Variants in LOX observed in about 807,000 individuals in gnomAD.
The protein encoded by LOX is protein-lysine 6-oxidase.
A neutral mutation model predicts 50.5 loss-of-function variants in LOX; 12 were observed. That is an observed-to-expected ratio of 0.24 (90% CI 0.15 to 0.38). LOX has a LOEUF of 0.38. Among genes scored for constraint, LOX ranks in the 10% least tolerant of loss-of-function variants. The pLI is 1.00. For synonymous variants in LOX, 254 were observed against 230.6 expected (o/e 1.10, Z -0.92); for missense variants, 504 against 563.8 (o/e 0.89, Z 1.07).
chr5:122,077,695 G>A lies in LOX; in HGVS notation c.291C>T (p.Asn97=), dbSNP rs757471277. 6.3e-7 allele frequency: 1 copy of A among 1,597,366 alleles called. No homozygotes were observed. Among genetic ancestry groups the A allele is most frequent in the Admixed American group, 1.7e-5 (1 of 58,364 alleles). The change falls in exon 1 of 7, where the codon AAC becomes AAT. Residue 97 remains asparagine (N), a synonymous_variant. Coordinates refer to ENST00000231004, the MANE Select transcript of LOX (RefSeq NM_002317.7). This position sits in a 1 kb window ranked among gnomAD's most constrained non-coding sequence, Gnocchi z 4.9. ...TCCGCGTTCGCGCCGCGGCGGTGCG[G>A]TTGTCGCGGATCAGCAGGATCGGAG... The part of the protein sequence containing the change: ...PRTPILLIRD[N]RTAAARTRTA...
Position 122,070,110 on chromosome 5 carries a change from C to A in LOX, c.1190G>T (p.Arg397Leu). 6.2e-7 allele frequency: 1 copy of A among 1,613,296 alleles called. No individual in the cohort carries two copies. The highest frequency in any genetic ancestry group is 8.5e-7 in the Non-Finnish European group (1 of 1,179,398). The change falls in exon 6 of 7, where the codon CGC becomes CTC. Residue 397 changes from arginine (R) to leucine (L), a missense_variant. Transcript: ENST00000231004. ...ATGTCCTGTGTAGCGAATGTCACAG[C>A]GCACAACATTGTTGGTATAGTCAGA... Reference protein sequence around the residue: ...PESDYTNNVVRCDIRYTGHHA... With the variant: ...PESDYTNNVVLCDIRYTGHHA...
rs1754696932 is a variant in LOX, at chr5:122,078,102, C to T, written c.-117G>A. On this transcript the variant is annotated 5_prime_UTR_variant, in exon 1 of 7. The change creates a new upstream start codon in the 5' untranslated region. Coordinates refer to ENST00000231004, the MANE Select transcript of LOX (RefSeq NM_002317.7). ...TTCAACCAAGGAGGCGAGCGGAGCA[C>T]GGGTATCTCAGTCTCCACCAAGCAA... The T allele has an allele frequency of 1.0e-6, 1 of 983,618 alleles. No homozygotes were observed. The highest frequency in any genetic ancestry group is 1.7e-5 in the African/African-American group (1 of 57,906). 60.9% of individuals were successfully genotyped at this position (983,618 alleles called of 1,614,324 possible). A position where few individuals can be genotyped will look rare whatever the true frequency, so the allele number is the denominator to read the frequency against.
At chr5:122,073,922 T>C in intron 4 of LOX, 91 bp downstream of exon 4, 1 of 1,179,300 alleles carries the variant, frequency 8.5e-7, no homozygotes, top group Non-Finnish European at 1.2e-6. Flanking sequence ...ATGTGTGTGC[T>C]CTTCATGAAA....
chr5:122,073,951 A>C, intron 4 of LOX, 62 bp downstream of exon 4: 1 of 1,472,858 alleles, frequency 6.8e-7, no homozygotes, highest in Non-Finnish European at 9.4e-7. Flanking sequence ...AATGCTAACT[A>C]ACGGTAGATG....
intron 5 of LOX, 87 bp from the exon 6 acceptor site, chr5:122,070,255 C>T (rs1201464765): frequency 2.5e-6 from 2 of 801,936 alleles, no homozygotes; most frequent in African/African-American, 1.7e-5. Flanking sequence ...CTAAATCAAG[C>T]AGGGAAGGGA....
In LOX at chr5:122,070,481, C is replaced by A; in HGVS notation, c.1131+13G>T. On this transcript the variant is annotated intron_variant, in intron 5 of 6. Transcript: ENST00000231004. The stretch of plus-strand genomic sequence containing the variant: ...GCAATATCAATATATGATATATTTT[C>A]AAAGGTCTTTACCTTTAGGATATAG... 1 of 1,436,278 alleles carries A rather than the reference C, an allele frequency of 7.0e-7. No individual in the cohort carries two copies. Among genetic ancestry groups the A allele is most frequent in the Admixed American group, 1.8e-5 (1 of 57,040 alleles). The allele number at this position is 1,436,278 out of a possible 1,614,324, so 89.0% of individuals were successfully genotyped here.
chr5:122,074,422 A>G (rs1260523785), intron 3 of LOX, among the ~76,000 whole-genome samples: 1 of 152,076 alleles, frequency 6.6e-6, no homozygotes, highest in African/African-American at 2.4e-5. Context: ...ATTGTACCCC[A>G]TTTTGTCTTT....
intron 4 of LOX, 80 bp downstream of exon 4, chr5:122,073,933 T>C (rs1754532286): frequency 1.6e-6 from 2 of 1,290,278 alleles, no homozygotes; most frequent in South Asian, 2.6e-5. Flanking sequence ...CTTCATGAAA[T>C]GCTATTTAAT....
Position 122,077,981 on chromosome 5 carries a change from C to A in LOX, c.5G>T (p.Arg2Leu). ...GAGCAGGAGCACGGTCCAGGCGAAGCGCATCACTCCTTTTGCCAGATTGAC... is the reference window on the plus strand; with the variant it reads ...GAGCAGGAGCACGGTCCAGGCGAAGAGCATCACTCCTTTTGCCAGATTGAC... M[R>L]FAWTVLLLGP... Residue 2 changes from arginine (R) to leucine (L), a missense_variant, in exon 1 of 7, where the codon CGC (arginine) becomes CTC (leucine). Transcript: ENST00000231004. This position sits in a 1 kb window ranked among gnomAD's most constrained non-coding sequence, Gnocchi z 4.9. 4.1e-6 allele frequency: 6 copies of A among 1,454,824 alleles called. No individual in the cohort carries two copies. Among genetic ancestry groups the A allele is most frequent in the Non-Finnish European group, 5.4e-6 (6 of 1,107,744 alleles). The allele number at this position is 1,454,824 out of a possible 1,614,324, so 90.1% of individuals were successfully genotyped here.
At chr5:122,076,801 G>T in intron 2 of LOX, 92 bp downstream of exon 2, 1 of 1,096,886 alleles carries the variant, frequency 9.1e-7, no homozygotes, top group Non-Finnish European at 1.4e-6. Context: ...CCTAACACTT[G>T]TCTGCGCGAA....
chr5:122,077,959 C>G lies in LOX; in HGVS notation c.27G>C (p.Leu9=). MRFAWTVL[L]LGPLQLCALV... is the part of the protein sequence containing the mutation. ...GCGCGCAGAGCTGCAAAGGCCCGAG[C>G]AGGAGCACGGTCCAGGCGAAGCGCA... Residue 9 remains leucine, a synonymous_variant, in exon 1 of 7, where the codon CTG becomes CTC. Transcript: ENST00000231004. The surrounding 1 kb of genome is among the most constrained non-coding windows in gnomAD (Gnocchi z 4.9). 1 of 1,475,610 alleles carries G rather than the reference C, an allele frequency of 6.8e-7. No individual in the cohort carries two copies. Among genetic ancestry groups the G allele is most frequent in the Non-Finnish European group, 8.9e-7 (1 of 1,121,590 alleles). 91.4% of individuals were successfully genotyped at this position (1,475,610 alleles called of 1,614,324 possible).
At chr5:122,069,854 A>G in intron 6 of LOX, 199 bp downstream of exon 6, 1 of 580,044 alleles carries the variant, frequency 1.7e-6, no homozygotes, top group Middle Eastern at 4.8e-4. Context: ...TTCTCCTGAA[A>G]ACTAAAAACC....
In LOX at chr5:122,077,112, A is replaced by G; in HGVS notation, c.632-111T>C. 2 of 1,506,728 alleles carry G rather than the reference A, an allele frequency of 1.3e-6. No homozygotes were observed. The highest frequency in any genetic ancestry group is 2.2e-5 in the Admixed American group (1 of 45,748). 93.3% of individuals were successfully genotyped at this position (1,506,728 alleles called of 1,614,324 possible). On this transcript the variant is annotated intron_variant, in intron 1 of 6. Coordinates refer to ENST00000231004, the MANE Select transcript of LOX (RefSeq NM_002317.7). The surrounding 1 kb of genome is among the most constrained non-coding windows in gnomAD (Gnocchi z 4.9). ...CTCACCCTTCGCCCACCGGGACTGC[A>G]GAGTGGAGCGGAGGACAGCAAGAGA...
At chr5:122,069,935 G>C in intron 6 of LOX, 118 bp downstream of exon 6, 1 of 791,446 alleles carries the variant, frequency 1.3e-6, no homozygotes, top group South Asian at 1.4e-5. Flanking sequence ...TTCTGCCTTT[G>C]GTCTGCTTAC....
chr5:122,075,615 C>T, intron 2 of LOX, 74 bp from the exon 3 acceptor site: 1 of 1,001,828 alleles, frequency 1.0e-6, no homozygotes, highest in South Asian at 1.8e-5. Flanking sequence ...AATAAAACAT[C>T]CATTATATAG....
intron 2 of LOX, 37 bp from the exon 3 acceptor site, chr5:122,075,578 G>A (rs1754593326): frequency 7.1e-7 from 1 of 1,406,212 alleles, no homozygotes; most frequent in African/African-American, 1.4e-5. Flanking sequence ...TTATATTCAT[G>A]GAATATTAAC....
chr5:122,068,876 CTAAT>C (rs1689973902), intron 6 of LOX, among the ~76,000 whole-genome samples: 1 of 151,880 alleles, frequency 6.6e-6, no homozygotes, highest in African/African-American at 2.4e-5. Flanking sequence ...TAAGAAAAAA[CTAAT>C]CTGTTTATTT....
At chr5:122,072,092 T>C (rs941545311) in intron 4 of LOX, among the ~76,000 whole-genome samples, 1 of 152,248 alleles carries the variant, frequency 6.6e-6, no homozygotes, top group African/African-American at 2.4e-5. Flanking sequence ...TGCTAGTTAT[T>C]ACTTCTACTA....
Position 122,076,887 on chromosome 5 carries a change from C to G in LOX, c.740+6G>C, listed in dbSNP as rs41478244. The G allele has an allele frequency of 1.2e-6, 2 of 1,613,836 alleles. No individual in the cohort carries two copies. The highest frequency in any genetic ancestry group is 4.5e-5 in the East Asian group (2 of 44,866). Reference sequence around the variant, plus strand: ...GGAGCGGGGCCTCAGACATATCAGCCCGTACCTGGCCAGACAGTTTTCCTC... The same window carrying G: ...GGAGCGGGGCCTCAGACATATCAGCGCGTACCTGGCCAGACAGTTTTCCTC... On this transcript the variant is annotated splice_donor_region_variant and intron_variant, in intron 2 of 6. Transcript: ENST00000231004.
Sources: allele counts gnomAD v4.1 joint callset (sites outside exome capture counted in the v4.1 genomes callset), GRCh38; gene constraint gnomAD v4.1.1; non-coding constraint Gnocchi (gnomAD v3.1); transcripts MANE v1.5; gene names NCBI Gene and HGNC (gene_info 2026-07-23, HGNC 2026-07-21).